The following RPRD2 variants were observed in gnomAD, a reference collection of about 807,000 sequenced individuals.
RPRD2 encodes the protein regulation of nuclear pre-mRNA domain-containing protein 2.
RPRD2 carries 12 observed loss-of-function variants against 104.4 expected under a neutral mutation model. That is an observed-to-expected ratio of 0.11 (90% CI 0.07 to 0.19). The LOEUF is 0.19. RPRD2 is among the 10% of genes least tolerant of loss of function. The pLI is 1.00. For missense variants in RPRD2, 1,543 were observed against 1,790.1 expected (o/e 0.86, Z 2.49); for synonymous variants, 714 against 684.9 (o/e 1.04, Z -0.66).
intron 1 of RPRD2, among the ~76,000 whole-genome samples, chr1:150,375,908 A>G (rs1446664452): frequency 6.6e-6 from 1 of 152,210 alleles, no homozygotes; most frequent in Non-Finnish European, 1.5e-5. Context: ...TCTATTTGTC[A>G]AGGAAACAAA....
chr1:150,450,242 T>C (rs1667060246), intron 7 of RPRD2, among the ~76,000 whole-genome samples: 1 of 152,122 alleles, frequency 6.6e-6, no homozygotes, highest in Admixed American at 6.6e-5. Context: ...TGTACCCCAT[T>C]ATCCAAAATG....
intron 2 of RPRD2, among the ~76,000 whole-genome samples, chr1:150,435,294 A>G (rs782260327): frequency 1.4e-4 from 22 of 152,148 alleles, no homozygotes; most frequent in Non-Finnish European, 2.5e-4. Flanking sequence ...AATTAGAACA[A>G]TTAATAGCCC....
At chr1:150,384,450 C>CATTATTATTATTATT (rs60436957) in intron 1 of RPRD2, among the ~76,000 whole-genome samples, 2 of 132,356 alleles carry the variant, frequency 1.5e-5, no homozygotes, top group South Asian at 2.2e-4. Context: ...GCATCATCAT[C>CATTATTATTATTATT]ATTATTATTA....
chr1:150,466,011 CA>C (rs71578500), intron 10 of RPRD2, among the ~76,000 whole-genome samples: 106 of 69,262 alleles, frequency 1.5e-3, no homozygotes, highest in Middle Eastern at 8.3e-3. Flanking sequence ...AGACTCAGTC[CA>C]AAAAAAAAAA....
chr1:150,427,994 C>CA (rs782262009), intron 2 of RPRD2, among the ~76,000 whole-genome samples: 2 of 151,688 alleles, frequency 1.3e-5, no homozygotes, highest in Non-Finnish European at 2.9e-5. Flanking sequence ...TCTTAAGACA[C>CA]AAAAAACTAA....
At chr1:150,457,169 A>C (rs1468888185) in intron 7 of RPRD2, 119 bp from the exon 8 acceptor site, 1 of 921,966 alleles carries the variant, frequency 1.1e-6, no homozygotes, top group African/African-American at 1.7e-5. Flanking sequence ...GGTTGCAGTG[A>C]ACCAAGATTG....
chr1:150,387,911 C>CTTTTTTTTTTTT (rs1224608397), intron 1 of RPRD2, among the ~76,000 whole-genome samples: 3 of 116,964 alleles, frequency 2.6e-5, no homozygotes, highest in Non-Finnish European at 5.2e-5. Flanking sequence ...TTTTTCTTTT[C>CTTTTTTTTTTTT]TCTTTTTTTT....
chr1:150,425,843 G>C (rs1553890458), intron 2 of RPRD2, among the ~76,000 whole-genome samples: 1 of 152,082 alleles, frequency 6.6e-6, no homozygotes, highest in Non-Finnish European at 1.5e-5. Flanking sequence ...GGGTGTGGTG[G>C]CTCATGCCTA....
chr1:150,401,845 G>A (rs1166565061), intron 1 of RPRD2, among the ~76,000 whole-genome samples: 1 of 151,200 alleles, frequency 6.6e-6, no homozygotes, highest in African/African-American at 2.4e-5. Context: ...GGGTTTCACT[G>A]TATTAGCCAG....
intron 1 of RPRD2, among the ~76,000 whole-genome samples, chr1:150,393,879 C>G (rs1426949777): frequency 6.6e-6 from 1 of 151,778 alleles, no homozygotes; most frequent in Non-Finnish European, 1.5e-5. Context: ...TAATGAAAAT[C>G]AAACATAAGA....
chr1:150,456,067 T>C (rs1553897508), intron 7 of RPRD2, among the ~76,000 whole-genome samples: 1 of 152,114 alleles, frequency 6.6e-6, no homozygotes, highest in Non-Finnish European at 1.5e-5. Flanking sequence ...TGGCTTCAAG[T>C]GATCCTCCTT....
chr1:150,404,135 C>T (rs1275166447), intron 1 of RPRD2, among the ~76,000 whole-genome samples: 1 of 152,166 alleles, frequency 6.6e-6, no homozygotes, highest in Non-Finnish European at 1.5e-5. Flanking sequence ...GATTTAGCAG[C>T]CACACTTGTG....
At chr1:150,391,550 G>GT (rs1553883122) in intron 1 of RPRD2, among the ~76,000 whole-genome samples, 1 of 152,194 alleles carries the variant, frequency 6.6e-6, no homozygotes, top group East Asian at 1.9e-4. Flanking sequence ...AAGTAAATTG[G>GT]TAACCATAAG....
intron 2 of RPRD2, among the ~76,000 whole-genome samples, chr1:150,432,440 A>G (rs1322014223): frequency 6.6e-6 from 1 of 152,012 alleles, no homozygotes; most frequent in African/African-American, 2.4e-5. Flanking sequence ...CCTAGTCCTT[A>G]ATGTGGTAGT....
intron 1 of RPRD2, among the ~76,000 whole-genome samples, chr1:150,416,117 G>T (rs1664311496): frequency 6.6e-6 from 1 of 152,150 alleles, no homozygotes; most frequent in Middle Eastern, 3.2e-3. Flanking sequence ...CCCAGCAGCA[G>T]AAATAAAGGT....
At chr1:150,396,729 C>T (rs1377201466) in intron 1 of RPRD2, among the ~76,000 whole-genome samples, 1 of 152,058 alleles carries the variant, frequency 6.6e-6, no homozygotes, top group Non-Finnish European at 1.5e-5. Flanking sequence ...AAAGACCCCA[C>T]ATAGCCAATG....
At chr1:150,375,622 T>C (rs1308269106) in intron 1 of RPRD2, among the ~76,000 whole-genome samples, 1 of 152,210 alleles carries the variant, frequency 6.6e-6, no homozygotes, top group Admixed American at 6.5e-5. Context: ...CTTCCTGCCT[T>C]TCTTAAACTA....
chr1:150,371,430 C>T (rs1553878312), intron 1 of RPRD2, among the ~76,000 whole-genome samples: 1 of 152,206 alleles, frequency 6.6e-6, no homozygotes, highest in East Asian at 1.9e-4. Flanking sequence ...GTGGCACGAT[C>T]GTGGCTCACT....
rs140434028 is a variant in RPRD2, at chr1:150,399,471, T to G, written c.206-18125T>G. ...TCTTGCACCTTTGTAAAAAATCGAT[T>G]GCCGGCTGGGCGCGGTGGCTCATGC... On this transcript the variant is annotated intron_variant, in intron 1 of 10. Transcript: ENST00000369068. 3.4e-3 allele frequency among the ~76,000 whole-genome samples: 512 copies of G among 152,244 alleles called. 5 individuals are homozygous for G. In the Middle Eastern group the frequency reaches 0.037, roughly 11 times the overall value.
Sources: allele counts gnomAD v4.1 joint callset (sites outside exome capture counted in the v4.1 genomes callset), GRCh38; gene constraint gnomAD v4.1.1; transcripts MANE v1.5; gene names NCBI Gene and HGNC (gene_info 2026-07-23, HGNC 2026-07-21).